KCNMA1: variants seen among roughly 807,000 people sequenced by gnomAD.
The protein encoded by KCNMA1 is potassium calcium-activated channel subfamily M alpha 1.
KCNMA1 carries 29 observed loss-of-function variants against 140.0 expected under a neutral mutation model. That is an observed-to-expected ratio of 0.21 (90% CI 0.15 to 0.28). KCNMA1 has a LOEUF of 0.28. Among genes scored for constraint, KCNMA1 ranks in the 10% least tolerant of loss-of-function variants. KCNMA1 has a pLI of 1.00. For missense variants in KCNMA1, 880 were observed against 1,602.2 expected (o/e 0.55, Z 7.70); for synonymous variants, 612 against 611.9 (o/e 1.00, Z 0.00).
chr10:77,489,981 G>A (rs757320326), intron 1 of KCNMA1, among the ~76,000 whole-genome samples: 6 of 152,144 alleles, frequency 3.9e-5, no homozygotes, highest in East Asian at 3.9e-4. Context: ...TCTCAACCCC[G>A]GCACTGTTGA....
chr10:76,877,096 G>A (rs188936080), downstream of KCNMA1: 1 of 152,818 alleles, frequency 6.5e-6, no homozygotes, highest in Non-Finnish European at 1.5e-5. Flanking sequence ...GAGAACTACA[G>A]AATGAAAACT....
intron 1 of KCNMA1, among the ~76,000 whole-genome samples, chr10:77,552,957 G>A (rs1312357717): frequency 2.6e-5 from 4 of 152,284 alleles, no homozygotes; most frequent in African/African-American, 7.2e-5. Context: ...GCTGGGGCAT[G>A]AGAATCGCTT....
chr10:77,501,765 G>A (rs1438444190), intron 1 of KCNMA1, among the ~76,000 whole-genome samples: 1 of 152,234 alleles, frequency 6.6e-6, no homozygotes, highest in Non-Finnish European at 1.5e-5. Context: ...GCTACCCATG[G>A]TGGGGTGGGA....
rs556602460 is a variant in KCNMA1, at chr10:77,390,217, G to A, written c.540+13645C>T. Among the ~76,000 whole-genome samples the A allele has an allele frequency of 2.0e-5, 3 of 152,322 alleles. No individual in the cohort carries two copies. The East Asian group carries it at 5.8e-4, about 29-fold the overall frequency. On this transcript the variant is annotated intron_variant, in intron 2 of 27. Transcript: ENST00000286628. ...TGGAGAGGGAATTGACTTGTCCAAGGTCAACCAGAAAAGTGATAGCAAAGC... is the reference window on the plus strand; with the variant it reads ...TGGAGAGGGAATTGACTTGTCCAAGATCAACCAGAAAAGTGATAGCAAAGC...
intron 2 of KCNMA1, among the ~76,000 whole-genome samples, chr10:77,397,239 G>A (rs1460007752): frequency 6.6e-5 from 10 of 152,112 alleles, no homozygotes; most frequent in Middle Eastern, 6.8e-3. Context: ...GAATCTCTTC[G>A]CCTCCAGCCC....
intron 2 of KCNMA1, among the ~76,000 whole-genome samples, chr10:77,343,435 A>G (rs190037684): frequency 7.2e-4 from 110 of 152,212 alleles, no homozygotes; most frequent in Admixed American, 1.6e-3. Flanking sequence ...CATCATCCTA[A>G]CCATACTCCC....
intron 19 of KCNMA1, 48 bp from the exon 20 acceptor site, chr10:76,970,115 CTG>C: frequency 7.0e-7 from 1 of 1,431,776 alleles, no homozygotes; most frequent in East Asian, 2.3e-5. Context: ...TGAGGGCAGA[CTG>C]TGCAATACAG....
intron 1 of KCNMA1, among the ~76,000 whole-genome samples, chr10:77,428,072 G>T (rs2097064231): frequency 6.6e-6 from 1 of 152,148 alleles, no homozygotes; most frequent in African/African-American, 2.4e-5. Context: ...TTTGAAGGAA[G>T]ATGTGTTTTA....
At chr10:77,289,328 A>G (rs959375980) in intron 2 of KCNMA1, among the ~76,000 whole-genome samples, 1 of 152,218 alleles carries the variant, frequency 6.6e-6, no homozygotes, top group Non-Finnish European at 1.5e-5. Context: ...CCCCATGACT[A>G]CAGCACATGT....
intron 2 of KCNMA1, among the ~76,000 whole-genome samples, chr10:77,386,325 TATAAATC>T (rs1175502722): frequency 6.6e-6 from 1 of 152,250 alleles, no homozygotes; most frequent in Admixed American, 6.5e-5. Context: ...TATAATGTCC[TATAAATC>T]ACAGCCTAGG....
At chr10:76,942,014 C>T (rs79252697) in intron 23 of KCNMA1, among the ~76,000 whole-genome samples, 4 of 152,130 alleles carry the variant, frequency 2.6e-5, no homozygotes, top group Non-Finnish European at 4.4e-5. Context: ...CTCTGTCACC[C>T]AGGCTGGAAT....
intron 2 of KCNMA1, among the ~76,000 whole-genome samples, chr10:77,307,295 A>G (rs12358397): frequency 0.24 from 36,457 of 152,080 alleles, 5,624 homozygotes; most frequent in Non-Finnish European, 0.35. Context: ...GTACATGCAG[A>G]CACAGTCCCC....
intron 1 of KCNMA1, among the ~76,000 whole-genome samples, chr10:77,526,904 A>G (rs1025273898): frequency 6.6e-6 from 1 of 152,130 alleles, no homozygotes; most frequent in African/African-American, 2.4e-5. Context: ...CCAAGGTAAC[A>G]AAAGAAACAA....
rs535350825 is a variant in KCNMA1, at chr10:77,576,795, T to C, written c.378+60470A>G. Among the ~76,000 whole-genome samples, 192 of 152,270 alleles carry C rather than the reference T, an allele frequency of 1.3e-3. 1 individual carries two copies. Among genetic ancestry groups the C allele is most frequent in the African/African-American group, 4.4e-3 (182 of 41,560 alleles). On this transcript the variant is annotated intron_variant, in intron 1 of 27. Coordinates refer to ENST00000286628, the MANE Select transcript of KCNMA1 (RefSeq NM_001161352.2). ...AAGCCACTGGTCCCATTCTCTAGCC[T>C]AGAGAGCTACAGGATATCAAGCCTC...
At chr10:76,900,930 T>C (rs866608371) in intron 25 of KCNMA1, among the ~76,000 whole-genome samples, 36 of 150,134 alleles carry the variant, frequency 2.4e-4, no homozygotes, top group Middle Eastern at 3.5e-3. Context: ...TTTGCCTCAA[T>C]ATAATAAGTT....
At chr10:76,959,811 T>C (rs1418436728) in intron 20 of KCNMA1, among the ~76,000 whole-genome samples, 1 of 152,242 alleles carries the variant, frequency 6.6e-6, no homozygotes, top group African/African-American at 2.4e-5. Flanking sequence ...TTCCAAATGT[T>C]GGTGCACTAA....
At chr10:76,940,969 G>A (rs1345836534) in intron 23 of KCNMA1, among the ~76,000 whole-genome samples, 2 of 139,560 alleles carry the variant, frequency 1.4e-5, no homozygotes, top group East Asian at 4.1e-4. Flanking sequence ...TCGAAAGAAA[G>A]AAAGAAAGAA....
intron 5 of KCNMA1, among the ~76,000 whole-genome samples, chr10:77,127,691 G>A (rs957056899): frequency 6.6e-6 from 1 of 152,162 alleles, no homozygotes; most frequent in African/African-American, 2.4e-5. Flanking sequence ...CCCAATTTGA[G>A]GTCGGGCATG....
At chr10:77,393,165 T>C (rs1374011586) in intron 2 of KCNMA1, among the ~76,000 whole-genome samples, 4 of 152,232 alleles carry the variant, frequency 2.6e-5, no homozygotes, top group Non-Finnish European at 5.9e-5. Flanking sequence ...CATCATCATC[T>C]GGATGGATCC....
Sources: gnomAD v4.1 joint callset for allele counts (sites outside exome capture counted in the v4.1 genomes callset) on GRCh38, gnomAD v4.1.1 for gene constraint, MANE v1.5 for transcripts, NCBI Gene and HGNC (gene_info 2026-07-23, HGNC 2026-07-21) for gene names.